ITSN2: variants seen among roughly 807,000 people sequenced by gnomAD.
ITSN2 encodes intersectin 2.
ITSN2 carries 156 observed loss-of-function variants against 243.7 expected under a neutral mutation model. That is an observed-to-expected ratio of 0.64 (90% CI 0.56 to 0.73). The LOEUF is 0.73. Among genes scored for constraint, ITSN2 ranks in the 30% least tolerant of loss-of-function variants. The pLI is 0.00. For missense variants in ITSN2, 1,801 were observed against 1,996.1 expected, an observed-to-expected ratio of 0.90 and a Z score of 1.86; for synonymous variants, 703 against 699.9, an observed-to-expected ratio of 1.00 and a Z score of -0.07.
At chr2:24,210,108 G>T in intron 34 of ITSN2, 75 bp from the exon 35 acceptor site, 1 of 1,053,220 alleles carries the variant, frequency 9.5e-7, no homozygotes, top group East Asian at 2.4e-5. Context: ...CCAGTGCCCT[G>T]GGCCTGAGGA....
At chr2:24,323,343 C>T (rs976167564) in intron 2 of ITSN2, among the ~76,000 whole-genome samples, 2 of 152,116 alleles carry the variant, frequency 1.3e-5, no homozygotes, top group East Asian at 1.9e-4. Flanking sequence ...TGCACCTGAA[C>T]GGCTGAATGG....
chr2:24,298,088 GA>G (rs1251842827), intron 13 of ITSN2, among the ~76,000 whole-genome samples: 1 of 150,416 alleles, frequency 6.6e-6, no homozygotes, highest in Non-Finnish European at 1.5e-5. Flanking sequence ...GGGTTCAAGT[GA>G]TTCTCCTGCC....
intron 20 of ITSN2, among the ~76,000 whole-genome samples, chr2:24,263,418 T>C (rs1159947875): frequency 6.6e-6 from 1 of 152,208 alleles, no homozygotes; most frequent in East Asian, 1.9e-4. Context: ...AACTGCTTTC[T>C]CAGATATCAT....
chr2:24,303,870 A>C lies in ITSN2; in HGVS notation c.794-8T>G. ...CATTTCTAGCTTGAAAACCTGATTA[A>C]GTGGGGAAAATCATAAAGGAATTCT... is the stretch of plus-strand genomic sequence containing the variant. On this transcript the variant is annotated splice_polypyrimidine_tract_variant and splice_region_variant and intron_variant, in intron 8 of 39. Transcript: ENST00000355123. 6.3e-7 allele frequency: 1 copy of C among 1,583,118 alleles called. No homozygotes were observed. The highest frequency in any genetic ancestry group is 8.7e-7 in the Non-Finnish European group (1 of 1,151,774).
At chr2:24,319,201 A>G (rs999519647) in intron 2 of ITSN2, among the ~76,000 whole-genome samples, 1 of 152,054 alleles carries the variant, frequency 6.6e-6, no homozygotes, top group African/African-American at 2.4e-5. Flanking sequence ...CTTACATCTA[A>G]CTCTTCTGGA....
rs926410960 is a variant in ITSN2, at chr2:24,225,804, C to G, written c.3578-4738G>C. Among the ~76,000 whole-genome samples the G allele has an allele frequency of 3.9e-5, 6 of 152,156 alleles. No individual in the cohort carries two copies. The South Asian group carries it at 1.0e-3, about 26-fold the overall frequency. On this transcript the variant is annotated intron_variant, in intron 29 of 39. Transcript: ENST00000355123. The surrounding 1 kb of genome is among the most constrained non-coding windows in gnomAD (Gnocchi z 4.2). ...TTTGATGAGCTCAGGGTTCCCAACACGTATTTGACCACAGAATCCTCTTTT... is the reference window on the plus strand; with the variant it reads ...TTTGATGAGCTCAGGGTTCCCAACAGGTATTTGACCACAGAATCCTCTTTT...
chr2:24,278,326 A>C (rs1422299703), intron 17 of ITSN2, among the ~76,000 whole-genome samples: 1 of 152,172 alleles, frequency 6.6e-6, no homozygotes, highest in African/African-American at 2.4e-5. Flanking sequence ...CCTCCACTGA[A>C]GTGAGTTTCT....
chr2:24,246,024 G>C, intron 29 of ITSN2, 105 bp downstream of exon 29: 1 of 691,132 alleles, frequency 1.4e-6, no homozygotes, highest in South Asian at 2.5e-5. Context: ...ATCTACATTT[G>C]CTGTGAGTGC....
chr2:24,217,859 T>G (rs747178795), intron 31 of ITSN2, 48 bp downstream of exon 31: 1 of 1,330,208 alleles, frequency 7.5e-7, no homozygotes. Flanking sequence ...AGTCTCAGTC[T>G]GGGGGCTTTG....
chr2:24,254,249 C>T (rs978285846), intron 24 of ITSN2, 118 bp downstream of exon 24: 1 of 701,022 alleles, frequency 1.4e-6, no homozygotes, highest in East Asian at 2.5e-5. Context: ...TTTAATACTG[C>T]AGACACAGAA....
In ITSN2 at chr2:24,221,003, A is replaced by G; in HGVS notation, c.3641T>C (p.Ile1214Thr). The G allele has an allele frequency of 6.2e-7, 1 of 1,610,230 alleles. No individual in the cohort carries two copies. Among genetic ancestry groups the G allele is most frequent in the South Asian group, 1.1e-5 (1 of 90,086 alleles). ...CTCTTCGGTCTGAATCAGCTCATGA[A>G]TATAGCCCTGTCTTTTCCTCTCAAT... ...QPIERKRQGYIHELIQTEERY... is the reference protein window; with the variant it reads ...QPIERKRQGYTHELIQTEERY... The change falls in exon 30 of 40, where the codon ATT becomes ACT. Residue 1214 changes from isoleucine (I) to threonine (T), a missense_variant. Ile to Thr is a moderately conservative substitution (Grantham distance 89). Coordinates refer to ENST00000355123, the MANE Select transcript of ITSN2 (RefSeq NM_006277.3).
At chr2:24,260,214 G>T (rs530765851) in intron 22 of ITSN2, among the ~76,000 whole-genome samples, 1 of 152,228 alleles carries the variant, frequency 6.6e-6, no homozygotes, top group South Asian at 2.1e-4. Context: ...GAGTCACTGT[G>T]CCTGGTGTCA....
intron 22 of ITSN2, among the ~76,000 whole-genome samples, chr2:24,259,263 C>G (rs1414946459): frequency 2.0e-5 from 3 of 152,232 alleles, no homozygotes; most frequent in African/African-American, 7.2e-5. Flanking sequence ...CCTCACTCTC[C>G]ACATTCAATG....
intron 1 of ITSN2, among the ~76,000 whole-genome samples, chr2:24,332,556 T>C (rs1264644589): frequency 1.3e-5 from 2 of 152,204 alleles, no homozygotes; most frequent in African/African-American, 2.4e-5. Context: ...ATAGGTACCA[T>C]ATTATATGTA....
intron 18 of ITSN2, among the ~76,000 whole-genome samples, chr2:24,273,377 A>G (rs769289713): frequency 2.0e-5 from 3 of 152,162 alleles, no homozygotes; most frequent in Non-Finnish European, 4.4e-5. Context: ...TTCAACTAAT[A>G]TCCCCTTTCT....
intron 1 of ITSN2, among the ~76,000 whole-genome samples, chr2:24,335,827 G>A (rs1463293492): frequency 4.0e-5 from 6 of 151,538 alleles, no homozygotes; most frequent in Non-Finnish European, 7.4e-5. Context: ...TAGTAGGGAC[G>A]GGGTTTCGCC....
chr2:24,350,254 C>T (rs1301668192), intron 1 of ITSN2, among the ~76,000 whole-genome samples: 1 of 152,108 alleles, frequency 6.6e-6, no homozygotes, highest in East Asian at 1.9e-4. Flanking sequence ...TTGGACCATA[C>T]TGAGGAAGCA....
chr2:24,348,417 T>C (rs1205546349), intron 1 of ITSN2, among the ~76,000 whole-genome samples: 1 of 152,068 alleles, frequency 6.6e-6, no homozygotes, highest in African/African-American at 2.4e-5. Context: ...CTCGAACTCC[T>C]GACCTCAAGT....
At chr2:24,281,996 G>A (rs1386028699) in intron 17 of ITSN2, among the ~76,000 whole-genome samples, 1 of 152,216 alleles carries the variant, frequency 6.6e-6, no homozygotes, top group Non-Finnish European at 1.5e-5. Flanking sequence ...GAGTGGGCCA[G>A]GGAAGTACTG....
Sources: gnomAD v4.1 joint callset for allele counts (sites outside exome capture counted in the v4.1 genomes callset) on GRCh38, gnomAD v4.1.1 for gene constraint, Gnocchi (gnomAD v3.1) non-coding constraint, MANE v1.5 for transcripts, NCBI Gene and HGNC (gene_info 2026-07-23, HGNC 2026-07-21) for gene names.